Variants in PTBP3 observed in about 807,000 individuals in gnomAD.
PTBP3 encodes the protein polypyrimidine tract binding protein 3.
Under a neutral mutation model 58.7 loss-of-function variants are expected in PTBP3, and 20 were observed. That is an observed-to-expected ratio of 0.34 (90% confidence interval 0.24 to 0.50). The LOEUF is 0.50. Among genes scored for constraint, PTBP3 ranks in the 20% least tolerant of loss-of-function variants. PTBP3 has a pLI of 0.98. For synonymous variants in PTBP3, 185 were observed against 219.8 expected (o/e 0.84, Z 1.40); for missense variants, 509 against 637.2 (o/e 0.80, Z 2.17).
At chr9:112,379,390 C>T in the PTBP3 span, among the ~76,000 whole-genome samples, 2 of 152,214 alleles carry the variant, frequency 1.3e-5, no homozygotes, top group Non-Finnish European at 2.9e-5. Flanking sequence ...ATCCCAAAAG[C>T]GAAACTGAAT....
At chr9:112,270,355 C>T (rs1280578698) in intron 3 of PTBP3, among the ~76,000 whole-genome samples, 3 of 152,180 alleles carry the variant, frequency 2.0e-5, no homozygotes, top group African/African-American at 7.2e-5. Context: ...CATACACACA[C>T]GTGCACACAC....
chr9:112,301,141 C>G (rs1391122642), intron 1 of PTBP3, among the ~76,000 whole-genome samples: 1 of 151,960 alleles, frequency 6.6e-6, no homozygotes, highest in Non-Finnish European at 1.5e-5. Flanking sequence ...CCTAGAACAC[C>G]TAAGAACCCT....
intron 8 of PTBP3, 115 bp downstream of exon 8, chr9:112,234,705 G>A: frequency 1.1e-6 from 1 of 918,590 alleles, no homozygotes; most frequent in Non-Finnish European, 1.7e-6. Context: ...CAGCTGATAT[G>A]CATAATGCTT....
chr9:112,357,206 A>G, the PTBP3 span, among the ~76,000 whole-genome samples: 4 of 152,146 alleles, frequency 2.6e-5, no homozygotes. Flanking sequence ...AATACTTCAT[A>G]CTAAGACGTG....
intron 1 of PTBP3, among the ~76,000 whole-genome samples, chr9:112,333,237 G>GTA (rs1830453853): frequency 2.6e-5 from 4 of 152,130 alleles, no homozygotes; most frequent in African/African-American, 9.7e-5. Context: ...AGGAAGCAGC[G>GTA]GACGTGTCCG....
At chr9:112,270,925 C>T (rs1198794211) in intron 3 of PTBP3, among the ~76,000 whole-genome samples, 1 of 152,062 alleles carries the variant, frequency 6.6e-6, no homozygotes, top group African/African-American at 2.4e-5. Context: ...TCAAGCAATC[C>T]GCGGCTCACT....
In PTBP3 at chr9:112,315,634, A is replaced by C. The variant is rs187325682; in HGVS notation, c.-51-17718T>G. Among the ~76,000 whole-genome samples, 372 of 152,298 alleles carry C rather than the reference A, an allele frequency of 2.4e-3. 2 individuals are homozygous for C. The highest frequency in any genetic ancestry group is 8.8e-3 in the African/African-American group (365 of 41,566). On this transcript the variant is annotated intron_variant, in intron 1 of 13. Transcript: ENST00000374257. ...AAAAAACTATTTTAAAAAAGAAAGA[A>C]ATAGAACATCTGAATAACATGGTTT...
chr9:112,231,912 A>G (rs1223639279), intron 9 of PTBP3, among the ~76,000 whole-genome samples, 187 bp downstream of exon 9: 9 of 107,380 alleles, frequency 8.4e-5, no homozygotes, highest in Middle Eastern at 4.6e-3. Flanking sequence ...CTGAAAAGAA[A>G]AGAAGAGAAG....
chr9:112,238,984 A>G (rs1183139186), intron 7 of PTBP3, among the ~76,000 whole-genome samples: 1 of 152,232 alleles, frequency 6.6e-6, no homozygotes, highest in East Asian at 1.9e-4. Flanking sequence ...AAGCCTAAAG[A>G]GTTATATATG....
chr9:112,258,548 T>G (rs1386695468), intron 5 of PTBP3, among the ~76,000 whole-genome samples: 1 of 152,144 alleles, frequency 6.6e-6, no homozygotes, highest in Non-Finnish European at 1.5e-5. Flanking sequence ...CCCCAAATCT[T>G]TTTTTGTCTT....
rs530107197 is a variant in PTBP3, at chr9:112,297,235, C to T, written c.34+597G>A. Among the ~76,000 whole-genome samples, 324 of 152,254 alleles carry T rather than the reference C, an allele frequency of 2.1e-3. 1 individual carries two copies. Among genetic ancestry groups the T allele is most frequent in the Non-Finnish European group, 2.8e-3 (193 of 68,014 alleles). ...GTTTTTTGTTTTTGAGATGGAGTCTCGCTCTGTCCCCCAGGCTGAAGTGCA... is the reference window on the plus strand; with the variant it reads ...GTTTTTTGTTTTTGAGATGGAGTCTTGCTCTGTCCCCCAGGCTGAAGTGCA... On this transcript the variant is annotated intron_variant, in intron 2 of 13. Transcript: ENST00000374257.
intron 2 of PTBP3, among the ~76,000 whole-genome samples, chr9:112,296,586 T>C (rs1031412368): frequency 2.6e-5 from 4 of 152,110 alleles, no homozygotes; most frequent in African/African-American, 4.8e-5. Context: ...CCCTCCCTTC[T>C]CTGAAACTCT....
chr9:112,228,622 G>A (rs991336434), intron 10 of PTBP3, 150 bp from the exon 11 acceptor site: 13 of 541,038 alleles, frequency 2.4e-5, no homozygotes, highest in African/African-American at 2.3e-4. Flanking sequence ...CAAAGTTCCA[G>A]ATCTATTCAT....
chr9:112,242,256 T>C (rs1324363882), intron 7 of PTBP3, among the ~76,000 whole-genome samples: 1 of 152,086 alleles, frequency 6.6e-6, no homozygotes. Context: ...CAGCCTCCCA[T>C]GTAACAGGAA....
At chr9:112,260,107 C>T (rs1408684452) in intron 5 of PTBP3, among the ~76,000 whole-genome samples, 1 of 152,154 alleles carries the variant, frequency 6.6e-6, no homozygotes, top group Non-Finnish European at 1.5e-5. Flanking sequence ...TAGGGTTTCA[C>T]CATGTTGGCC....
intron 4 of PTBP3, among the ~76,000 whole-genome samples, chr9:112,265,228 T>A (rs1969945): frequency 7.2e-5 from 11 of 152,024 alleles, no homozygotes; most frequent in Admixed American, 4.6e-4. Flanking sequence ...AGGAGCCGGG[T>A]GCAGTGGCTC....
the PTBP3 span, among the ~76,000 whole-genome samples, chr9:112,350,185 C>T: frequency 6.6e-6 from 1 of 151,866 alleles, no homozygotes; most frequent in Admixed American, 6.6e-5. Flanking sequence ...GATGCAAAAG[C>T]ATAAGAATGA....
the PTBP3 span, among the ~76,000 whole-genome samples, chr9:112,345,388 T>TC: frequency 6.7e-6 from 1 of 150,206 alleles, no homozygotes; most frequent in African/African-American, 2.4e-5. Flanking sequence ...AAATTTTTTT[T>TC]TTTTGAGATC....
At chr9:112,263,663 T>C (rs925724315) in intron 4 of PTBP3, among the ~76,000 whole-genome samples, 14 of 152,246 alleles carry the variant, frequency 9.2e-5, no homozygotes, top group African/African-American at 3.4e-4. Flanking sequence ...CTGAATCCTT[T>C]TGCTATAAAC....
Sources: allele counts gnomAD v4.1 joint callset (sites outside exome capture counted in the v4.1 genomes callset), GRCh38; gene constraint gnomAD v4.1.1; transcripts MANE v1.5; gene names NCBI Gene and HGNC (gene_info 2026-07-23, HGNC 2026-07-21).